Variants in NVL observed in about 807,000 individuals in gnomAD.
NVL encodes nuclear valosin-containing protein-like.
A neutral mutation model predicts 110.2 loss-of-function variants in NVL; 84 were observed. The ratio of observed to expected loss-of-function variants is 0.76; its 90% confidence interval spans 0.64 to 0.91. NVL has a LOEUF of 0.91. Among genes scored for constraint, NVL ranks in the 40% least tolerant of loss-of-function variants. The pLI, the probability that NVL is intolerant of heterozygous loss-of-function variation, is 0.00. For missense variants in NVL, 882 were observed against 1,035.9 expected, an observed-to-expected ratio of 0.85 and a Z score of 2.04; for synonymous variants, 354 against 361.1, an observed-to-expected ratio of 0.98 and a Z score of 0.22.
chr1:224,323,123 A>G (rs1423571672), intron 2 of NVL, among the ~76,000 whole-genome samples: 1 of 152,198 alleles, frequency 6.6e-6, no homozygotes, highest in African/African-American at 2.4e-5. Flanking sequence ...GAAGCAGGAT[A>G]TTGGAAATTG....
At chr1:224,283,637 C>G (rs1666591925) in intron 15 of NVL, among the ~76,000 whole-genome samples, 1 of 152,236 alleles carries the variant, frequency 6.6e-6, no homozygotes, top group Non-Finnish European at 1.5e-5. Flanking sequence ...TACCTCCTCT[C>G]TGCTGTGAAC....
At chr1:224,322,243 ATTTTTT>A (rs34841668) in intron 2 of NVL, among the ~76,000 whole-genome samples, 5 of 131,800 alleles carry the variant, frequency 3.8e-5, no homozygotes, top group Middle Eastern at 8.1e-3. Context: ...TGCCACGCTA[ATTTTTT>A]TTTTTTTTTT....
chr1:224,274,409 G>C (rs61825623), intron 17 of NVL, among the ~76,000 whole-genome samples: 1 of 151,786 alleles, frequency 6.6e-6, no homozygotes. Context: ...GGCTGAGGCG[G>C]ATACATCACC....
chr1:224,318,426 A>G (rs1042796154), intron 2 of NVL, among the ~76,000 whole-genome samples: 1 of 151,662 alleles, frequency 6.6e-6, no homozygotes, highest in African/African-American at 2.4e-5. Flanking sequence ...AACATAGGGA[A>G]ACCCTATCCC....
At chr1:224,245,695 C>G (rs917880462) in intron 19 of NVL, among the ~76,000 whole-genome samples, 2 of 152,052 alleles carry the variant, frequency 1.3e-5, no homozygotes, top group African/African-American at 4.8e-5. Context: ...GTGGCTCACA[C>G]CTGTAATCCC....
chr1:224,297,988 C>T (rs1668034727), intron 10 of NVL, among the ~76,000 whole-genome samples: 1 of 146,208 alleles, frequency 6.8e-6, no homozygotes, highest in Non-Finnish European at 1.5e-5. Context: ...GCAGAGGCTG[C>T]AGTGAGCTGA....
At chr1:224,228,942 A>AAG (rs1329375534) in intron 22 of NVL, among the ~76,000 whole-genome samples, 2 of 150,744 alleles carry the variant, frequency 1.3e-5, no homozygotes, top group Non-Finnish European at 3.0e-5. Context: ...AAAAAAAAAA[A>AAG]AAAAGAAATT....
In NVL at chr1:224,289,610, C is replaced by A; in HGVS notation, c.1449G>T (p.Met483Ile). 4 of 1,614,254 alleles carry A rather than the reference C, an allele frequency of 2.5e-6. No homozygotes were observed. The highest frequency in any genetic ancestry group is 1.6e-4 in the Middle Eastern group (1 of 6,062). Residue 483 changes from methionine (M) to isoleucine (I), a missense_variant, in exon 13 of 23, where the codon ATG (methionine) becomes ATT (isoleucine). Physicochemically the swap from Met to Ile is conservative, Grantham distance 10. Coordinates refer to ENST00000281701, the MANE Select transcript of NVL (RefSeq NM_002533.4). Reference sequence around the variant, plus strand: ...TCATTAAGACTCTATTGACTGCACACATTGCTGCCTCTCGGCACAGTGCCA... The same window carrying A: ...TCATTAAGACTCTATTGACTGCACAAATTGCTGCCTCTCGGCACAGTGCCA... ...DLMALCREAA[M>I]CAVNRVLMKL...
intron 17 of NVL, among the ~76,000 whole-genome samples, chr1:224,270,131 CA>C (rs1246450203): frequency 6.6e-6 from 1 of 151,664 alleles, no homozygotes; most frequent in African/African-American, 2.4e-5. Context: ...TCCTTGGTAA[CA>C]TAACACTAAC....
rs1254850902 is a variant in NVL, at chr1:224,294,365, A to G, written c.1227T>C (p.Ala409=). ...AATARVLVIG[A]TNRPDSLDPA... Reference sequence around the variant, plus strand: ...GGTCTAACGAGTCTGGTCGATTAGTAGCTCCAATAACTAGGACCCGGGCTG... The same window carrying G: ...GGTCTAACGAGTCTGGTCGATTAGTGGCTCCAATAACTAGGACCCGGGCTG... Residue 409 remains alanine (A), a synonymous_variant, in exon 12 of 23, where the codon GCT becomes GCC. Coordinates refer to ENST00000281701, the MANE Select transcript of NVL (RefSeq NM_002533.4). The G allele has an allele frequency of 6.2e-7, 1 of 1,614,140 alleles. No homozygotes were observed. Among genetic ancestry groups the G allele is most frequent in the Non-Finnish European group, 8.5e-7 (1 of 1,180,028 alleles).
Position 224,300,525 on chromosome 1 carries a change from C to G in NVL, c.1062+37G>C, listed in dbSNP as rs200297160. 2.2e-5 allele frequency: 32 copies of G among 1,463,220 alleles called. No homozygotes were observed. In the East Asian group the frequency reaches 7.3e-4, roughly 33 times the overall value. 90.6% of individuals were successfully genotyped at this position (1,463,220 alleles called of 1,614,324 possible). A position where few individuals can be genotyped will look rare whatever the true frequency, so the allele number is the denominator to read the frequency against. On this transcript the variant is annotated intron_variant, in intron 10 of 22. Coordinates refer to ENST00000281701, the MANE Select transcript of NVL (RefSeq NM_002533.4). ...CAGGATCTTTAATATAAGCTGGTAGCGTCTGACCACCTGGCATTAGTCATT... is the reference window on the plus strand; with the variant it reads ...CAGGATCTTTAATATAAGCTGGTAGGGTCTGACCACCTGGCATTAGTCATT...
At chr1:224,328,821 T>C (rs1671403604) in intron 1 of NVL, among the ~76,000 whole-genome samples, 1 of 152,176 alleles carries the variant, frequency 6.6e-6, no homozygotes, top group African/African-American at 2.4e-5. Flanking sequence ...CACTTGGCCA[T>C]TTTAATTTGG....
At chr1:224,247,354 T>C (rs1558250329) in intron 19 of NVL, among the ~76,000 whole-genome samples, 1 of 151,918 alleles carries the variant, frequency 6.6e-6, no homozygotes, top group Non-Finnish European at 1.5e-5. Flanking sequence ...TACGGGTGCA[T>C]GCCACTATGC....
chr1:224,279,911 T>C (rs1291216594), intron 16 of NVL, among the ~76,000 whole-genome samples: 1 of 152,124 alleles, frequency 6.6e-6, no homozygotes, highest in Non-Finnish European at 1.5e-5. Flanking sequence ...CTTAAATGCC[T>C]GGCCTCAAGT....
At chr1:224,325,553 G>A (rs1362497065) in intron 2 of NVL, among the ~76,000 whole-genome samples, 1 of 151,982 alleles carries the variant, frequency 6.6e-6, no homozygotes, top group Non-Finnish European at 1.5e-5. Flanking sequence ...GGCCAACATG[G>A]TGAAGCCCTG....
chr1:224,327,064 C>T (rs1395149833), intron 1 of NVL, among the ~76,000 whole-genome samples: 1 of 152,078 alleles, frequency 6.6e-6, no homozygotes. Flanking sequence ...ATCGCTTAAG[C>T]CCAGACTTAG....
intron 6 of NVL, among the ~76,000 whole-genome samples, chr1:224,307,780 A>T (rs2102718342): frequency 6.6e-6 from 1 of 152,042 alleles, no homozygotes; most frequent in African/African-American, 2.4e-5. Context: ...GACTCCAGCT[A>T]GAAGGCTGTT....
chr1:224,276,618 C>A (rs1665786348), intron 16 of NVL, among the ~76,000 whole-genome samples: 1 of 152,176 alleles, frequency 6.6e-6, no homozygotes, highest in East Asian at 1.9e-4. Flanking sequence ...AAGAGTACCA[C>A]AGACGACAGA....
chr1:224,283,804 A>G (rs1666605025), intron 15 of NVL, among the ~76,000 whole-genome samples: 1 of 152,226 alleles, frequency 6.6e-6, no homozygotes. Context: ...ATTGTAGATC[A>G]ATGACTGTGT....
Sources: allele counts gnomAD v4.1 joint callset (sites outside exome capture counted in the v4.1 genomes callset), GRCh38; gene constraint gnomAD v4.1.1; transcripts MANE v1.5; gene names NCBI Gene and HGNC (gene_info 2026-07-23, HGNC 2026-07-21).